The following FRMD4B variants were observed in gnomAD, a reference collection of about 807,000 sequenced individuals.
FRMD4B encodes the protein FERM domain-containing protein 4B.
A neutral mutation model predicts 141.5 loss-of-function variants in FRMD4B; 74 were observed. The ratio of observed to expected loss-of-function variants is 0.52; its 90% CI spans 0.43 to 0.63. The LOEUF (loss-of-function observed/expected upper bound fraction) is 0.63. Ranked by LOEUF, FRMD4B falls within the 30% of genes least tolerant of loss-of-function variation. The probability of loss-of-function intolerance (pLI) is 0.00; values close to 1 mark genes in which losing one functional copy is unlikely to be tolerated. For synonymous variants in FRMD4B, 506 were observed against 467.9 expected (o/e 1.08, Z -1.05); for missense variants, 1,366 against 1,253.4 (o/e 1.09, Z -1.36).
At chr3:69,183,519 G>C (rs1255321231) in intron 19 of FRMD4B, among the ~76,000 whole-genome samples, 5 of 113,932 alleles carry the variant, frequency 4.4e-5, no homozygotes, top group Non-Finnish European at 1.6e-5. Context: ...GTCTTGCTCT[G>C]TCGCCCAGGC....
chr3:69,340,497 A>C (rs1288544646), intron 1 of FRMD4B, among the ~76,000 whole-genome samples: 1 of 152,156 alleles, frequency 6.6e-6, no homozygotes. Context: ...TCTTGTTCTA[A>C]AAGTCATGTT....
chr3:69,439,177 C>T (rs568062004), intron 1 of FRMD4B, among the ~76,000 whole-genome samples: 16 of 152,152 alleles, frequency 1.1e-4, no homozygotes, highest in African/African-American at 3.4e-4. Flanking sequence ...TGGTTTTTTG[C>T]GATCTAGATT....
chr3:69,212,121 G>A (rs2093087289), intron 11 of FRMD4B, among the ~76,000 whole-genome samples: 1 of 151,638 alleles, frequency 6.6e-6, no homozygotes, highest in South Asian at 2.1e-4. Context: ...CACTTTGGGA[G>A]GCCCGAGGCA....
intron 1 of FRMD4B, among the ~76,000 whole-genome samples, chr3:69,329,248 A>G (rs1324244521): frequency 6.6e-6 from 1 of 152,184 alleles, no homozygotes. Context: ...TTACTATTTT[A>G]AATCTCTAAA....
chr3:69,374,354 T>G (rs1186222331), intron 1 of FRMD4B, among the ~76,000 whole-genome samples: 5 of 152,196 alleles, frequency 3.3e-5, no homozygotes, highest in Admixed American at 3.3e-4. Flanking sequence ...CCATTCTATT[T>G]CCCTATTTTA....
intron 12 of FRMD4B, 104 bp from the exon 13 acceptor site, chr3:69,197,142 T>TC (rs1417047856): frequency 3.1e-5 from 27 of 857,652 alleles, no homozygotes; most frequent in Non-Finnish European, 4.2e-5. Flanking sequence ...CTCTTACCTG[T>TC]CTTCTGTTGC....
intron 1 of FRMD4B, among the ~76,000 whole-genome samples, chr3:69,366,269 AAACAAAAAC>A (rs1156327063): frequency 9.6e-6 from 1 of 103,762 alleles, no homozygotes; most frequent in African/African-American, 4.4e-5. Context: ...CAAAAAACAA[AAACAAAAAC>A]AAAAACAAAA....
intron 2 of FRMD4B, among the ~76,000 whole-genome samples, chr3:69,403,811 A>G (rs750239879): frequency 1.3e-5 from 2 of 151,600 alleles, no homozygotes; most frequent in Non-Finnish European, 2.9e-5. Flanking sequence ...TGCGTACCCC[A>G]CTCCCCCCAC....
intron 1 of FRMD4B, among the ~76,000 whole-genome samples, chr3:69,457,995 C>T (rs2106912124): frequency 6.6e-6 from 1 of 152,302 alleles, no homozygotes; most frequent in Admixed American, 6.5e-5. Flanking sequence ...TAGAAGCCAT[C>T]TTTCTTGGCT....
chr3:69,204,969 G>A (rs4075188), intron 11 of FRMD4B, among the ~76,000 whole-genome samples: 13,176 of 148,484 alleles, frequency 0.089, 576 homozygotes, highest in Middle Eastern at 0.11. Flanking sequence ...ATACTGCCAG[G>A]CTCCAAGATC....
intron 1 of FRMD4B, among the ~76,000 whole-genome samples, chr3:69,478,802 G>T (rs1706054215): frequency 6.6e-6 from 1 of 151,924 alleles, no homozygotes; most frequent in Non-Finnish European, 1.5e-5. Flanking sequence ...GTTGACAGTG[G>T]GGTGTTAAAG....
At chr3:69,512,190 A>T (rs1706700264) in intron 1 of FRMD4B, among the ~76,000 whole-genome samples, 1 of 152,214 alleles carries the variant, frequency 6.6e-6, no homozygotes, top group Non-Finnish European at 1.5e-5. Flanking sequence ...GGCTCACCAT[A>T]GTGAGGCACT....
At chr3:69,381,756 G>C (rs1704125954) in intron 1 of FRMD4B, among the ~76,000 whole-genome samples, 1 of 152,130 alleles carries the variant, frequency 6.6e-6, no homozygotes, top group African/African-American at 2.4e-5. Flanking sequence ...TACTTATCTT[G>C]AAAAATAGCT....
intron 2 of FRMD4B, among the ~76,000 whole-genome samples, chr3:69,392,251 T>C (rs993310999): frequency 6.6e-6 from 1 of 152,170 alleles, no homozygotes; most frequent in African/African-American, 2.4e-5. Flanking sequence ...AAGAGGAATC[T>C]GAACAAGAAA....
At chr3:69,246,622 A>C (rs1010600019) in intron 7 of FRMD4B, among the ~76,000 whole-genome samples, 1 of 152,192 alleles carries the variant, frequency 6.6e-6, no homozygotes, top group African/African-American at 2.4e-5. Flanking sequence ...CTGCAAAGCC[A>C]TTGTTTTGAT....
At chr3:69,230,770 T>C (rs2093299059) in intron 7 of FRMD4B, among the ~76,000 whole-genome samples, 4 of 151,290 alleles carry the variant, frequency 2.6e-5, no homozygotes, top group Admixed American at 2.6e-4. Flanking sequence ...AAATTTACAC[T>C]AACATTGTTC....
intron 1 of FRMD4B, among the ~76,000 whole-genome samples, chr3:69,520,025 T>TATATATAG (rs1187722886): frequency 8.8e-6 from 1 of 113,686 alleles, no homozygotes; most frequent in African/African-American, 4.3e-5. Context: ...TATATATATA[T>TATATATAG]TCCATCATAT....
chr3:69,485,909 G>A (rs568435619), intron 1 of FRMD4B, among the ~76,000 whole-genome samples: 49 of 152,230 alleles, frequency 3.2e-4, no homozygotes, highest in Admixed American at 2.8e-3. Context: ...AAGGCCCATC[G>A]CTGCCATCAC....
chr3:69,404,768 G>A (rs1251894776), intron 2 of FRMD4B, among the ~76,000 whole-genome samples: 4 of 152,150 alleles, frequency 2.6e-5, no homozygotes, highest in Non-Finnish European at 5.9e-5. Context: ...AGAAGACACT[G>A]AGAAGGGTGA....
Sources: gnomAD v4.1 joint callset for allele counts (sites outside exome capture counted in the v4.1 genomes callset) on GRCh38, gnomAD v4.1.1 for gene constraint, MANE v1.5 for transcripts, NCBI Gene and HGNC (gene_info 2026-07-23, HGNC 2026-07-21) for gene names.